Variants in CREBBP observed in about 807,000 individuals in gnomAD.
CREBBP encodes the protein CREB-binding protein.
A neutral mutation model predicts 265.0 loss-of-function variants in CREBBP; 19 were observed. The observed-to-expected ratio is 0.07, with a 90% confidence interval of 0.05 to 0.11. The LOEUF (loss-of-function observed/expected upper bound fraction) is 0.11, where lower values mean the gene tolerates loss of function less well. Ranked by LOEUF, CREBBP falls within the 10% of genes least tolerant of loss-of-function variation. The probability of loss-of-function intolerance (pLI) is 1.00; values close to 1 mark genes in which losing one functional copy is unlikely to be tolerated. For synonymous variants in CREBBP, 1,457 were observed against 1,223.7 expected (o/e 1.19, Z -3.98); for missense variants, 2,525 against 3,219.0 (o/e 0.78, Z 5.22).
At position 3,726,369 on chromosome 16, in the gene CREBBP, G is replaced by A. The variant is rs1396420907; in HGVS notation, c.*1349C>T. 3 of 233,102 alleles carry A rather than the reference G, an allele frequency of 1.3e-5. No homozygotes were observed. Among genetic ancestry groups the A allele is most frequent in the African/African-American group, 2.2e-5 (1 of 45,252 alleles). The allele number at this position is 233,102 out of a possible 1,614,324, so 14.4% of individuals were successfully genotyped here. A position where few individuals can be genotyped will look rare whatever the true frequency, so the allele number is the denominator to read the frequency against. On this transcript the variant is annotated 3_prime_UTR_variant, in exon 31 of 31. Coordinates refer to ENST00000262367, the MANE Select transcript of CREBBP (RefSeq NM_004380.3). ...AACTGACGACCCTAACTGTGTGAGC[G>A]ACAATCACCTGTGAGCCTCGAATGT...
chr16:3,813,588 C>T (rs1303039456), intron 2 of CREBBP, among the ~76,000 whole-genome samples: 2 of 152,134 alleles, frequency 1.3e-5, no homozygotes, highest in Non-Finnish European at 1.5e-5. Context: ...ACACGAACAA[C>T]AACAAAAAAT....
chr16:3,731,630 A>G lies in CREBBP; in HGVS notation c.4890+146T>C. On this transcript the variant is annotated intron_variant, in intron 29 of 30. Coordinates refer to ENST00000262367, the MANE Select transcript of CREBBP (RefSeq NM_004380.3). The surrounding 1 kb of genome is among the most constrained non-coding windows in gnomAD (Gnocchi z 7.7). The stretch of plus-strand genomic sequence containing the variant: ...TGGAACAAAATTGGTGACACGTTGC[A>G]TGATGTCACCCAACTGGTCCACTTG... 7.1e-7 allele frequency: 1 copy of G among 1,404,940 alleles called. No homozygotes were observed. Among genetic ancestry groups the G allele is most frequent in the South Asian group, 1.2e-5 (1 of 86,156 alleles). The allele number at this position is 1,404,940 out of a possible 1,614,324, so 87.0% of individuals were successfully genotyped here.
Position 3,767,736 on chromosome 16 carries a change from C to T in CREBBP, c.3234G>A (p.Ser1078=), listed in dbSNP as rs1482660588. The T allele has an allele frequency of 9.9e-6, 16 of 1,614,114 alleles. No individual in the cohort carries two copies. In the Admixed American group the frequency reaches 1.8e-4, roughly 18 times the overall value. The change falls in exon 16 of 31, where the codon TCG becomes TCA. Residue 1078 remains serine (S), a synonymous_variant. Transcript: ENST00000262367. ...ATGGCCTACTTTTTTTGCGCGGCTG[C>T]GAAGGAGATGTTGACTGAGAGGCTG... ...NGTASQSTSP[S]QPRKKIFKPE...
chr16:3,790,076 A>G (rs2053471795), intron 5 of CREBBP, among the ~76,000 whole-genome samples: 1 of 152,226 alleles, frequency 6.6e-6, no homozygotes. Flanking sequence ...AGAATATTGT[A>G]TAACTACAAA....
intron 1 of CREBBP, among the ~76,000 whole-genome samples, chr16:3,862,062 T>C (rs2055087846): frequency 6.6e-6 from 1 of 152,094 alleles, no homozygotes; most frequent in Admixed American, 6.5e-5. Context: ...GGGTTTGAGA[T>C]AGAATAGAAG....
At chr16:3,805,871 C>T (rs989235543) in intron 3 of CREBBP, among the ~76,000 whole-genome samples, 7 of 152,006 alleles carry the variant, frequency 4.6e-5, no homozygotes, top group Non-Finnish European at 8.8e-5. Context: ...CAGCAGAACA[C>T]AAAGAACCGC....
Position 3,770,807 on chromosome 16 carries a change from C to G in CREBBP, c.2643G>C (p.Gln881His), listed in dbSNP as rs1415456438. 1 of 1,613,888 alleles carries G rather than the reference C, an allele frequency of 6.2e-7. No individual in the cohort carries two copies. The highest frequency in any genetic ancestry group is 1.3e-5 in the African/African-American group (1 of 74,866). ...HTTPPGMTPP[Q>H]PAAPTQPSTP... ...TTGATGGCTGAGTGGGAGCTGCTGG[C>G]TGGGGAGGAGTCATCCCAGGTGGTG... is the stretch of plus-strand genomic sequence containing the variant. The change falls in exon 14 of 31, where the codon CAG (glutamine) becomes CAC (histidine). Residue 881 changes from glutamine to histidine, a missense_variant. Gln to His is a conservative substitution (Grantham distance 24). Transcript: ENST00000262367.
Position 3,865,889 on chromosome 16 carries a change from C to A in CREBBP, c.85+13943G>T, listed in dbSNP as rs541483670. ...CTGACCTCATGATCCATCAACTCAG[C>A]CTTCCAAAGTGCAGGGATTACAGGC... On this transcript the variant is annotated intron_variant, in intron 1 of 30. Transcript: ENST00000262367. Among the ~76,000 whole-genome samples the A allele has an allele frequency of 2.0e-5, 3 of 152,264 alleles. No homozygotes were observed. The East Asian group carries it at 5.8e-4, about 29-fold the overall frequency.
At chr16:3,831,701 GAA>G (rs2054345756) in intron 2 of CREBBP, among the ~76,000 whole-genome samples, 1 of 152,082 alleles carries the variant, frequency 6.6e-6, no homozygotes, top group African/African-American at 2.4e-5. Flanking sequence ...TCCAAATTAA[GAA>G]AAGAGTACAG....
intron 1 of CREBBP, among the ~76,000 whole-genome samples, chr16:3,863,807 G>C (rs1323670352): frequency 1.3e-5 from 2 of 152,140 alleles, no homozygotes; most frequent in Admixed American, 6.5e-5. Context: ...GCCCTGAAGG[G>C]TGGGGACAAG....
chr16:3,845,886 CAAAAAAA>C (rs58655991), intron 2 of CREBBP, among the ~76,000 whole-genome samples: 1 of 73,518 alleles, frequency 1.4e-5, no homozygotes, highest in African/African-American at 5.0e-5. Context: ...GACCCTATCT[CAAAAAAA>C]AAAAAAAAAA....
chr16:3,781,430 G>T, intron 6 of CREBBP, 124 bp from the exon 7 acceptor site: 1 of 773,590 alleles, frequency 1.3e-6, no homozygotes. Context: ...AGTGATTCTG[G>T]CCAGTTATAG....
At chr16:3,779,890 G>A (rs891834038) in intron 8 of CREBBP, among the ~76,000 whole-genome samples, 1 of 152,108 alleles carries the variant, frequency 6.6e-6, no homozygotes, top group Non-Finnish European at 1.5e-5. Context: ...GATTACTTGA[G>A]GCCAGGAGTT....
chr16:3,761,316 T>C (rs898322395), intron 16 of CREBBP, among the ~76,000 whole-genome samples: 1 of 152,168 alleles, frequency 6.6e-6, no homozygotes, highest in Non-Finnish European at 1.5e-5. Flanking sequence ...CAGATTAAAA[T>C]ATGGTAAACA....
intron 20 of CREBBP, 123 bp downstream of exon 20, chr16:3,751,603 C>A (rs911206211): frequency 4.9e-6 from 5 of 1,019,132 alleles, no homozygotes; most frequent in South Asian, 4.0e-5. Context: ...AAACAAAAAA[C>A]CAAAAAACAT....
intron 11 of CREBBP, among the ~76,000 whole-genome samples, chr16:3,776,371 C>G (rs1222983254): frequency 6.6e-6 from 1 of 152,126 alleles, no homozygotes; most frequent in Non-Finnish European, 1.5e-5. Context: ...CAAATGCTCC[C>G]TGCCCCAAAA....
intron 1 of CREBBP, among the ~76,000 whole-genome samples, chr16:3,857,628 G>A (rs1361432328): frequency 6.6e-6 from 1 of 152,184 alleles, no homozygotes; most frequent in Non-Finnish European, 1.5e-5. Flanking sequence ...TCCAGTCCCA[G>A]GTAAGCCCTC....
At position 3,767,704 on chromosome 16, in the gene CREBBP, T is replaced by A. The variant is rs369546521; in HGVS notation, c.3250+16A>T. The A allele has an allele frequency of 1.7e-5, 27 of 1,614,144 alleles. No homozygotes were observed. Among genetic ancestry groups the A allele is most frequent in the Non-Finnish European group, 2.3e-5 (27 of 1,180,046 alleles). On this transcript the variant is annotated intron_variant, in intron 16 of 30. Transcript: ENST00000262367. ...AAAGCAGCATGCTTTAATAAGGTAA[T>A]GAATAAATGGCCTACTTTTTTTGCG...
intron 3 of CREBBP, among the ~76,000 whole-genome samples, chr16:3,808,250 C>T (rs2053870564): frequency 6.6e-6 from 1 of 152,206 alleles, no homozygotes; most frequent in African/African-American, 2.4e-5. Context: ...GGATGAGATG[C>T]TGTTGCTACT....
Sources: gnomAD v4.1 joint callset for allele counts (sites outside exome capture counted in the v4.1 genomes callset) on GRCh38, gnomAD v4.1.1 for gene constraint, Gnocchi (gnomAD v3.1) non-coding constraint, MANE v1.5 for transcripts, NCBI Gene and HGNC (gene_info 2026-07-23, HGNC 2026-07-21) for gene names.